The following OTUD7A variants were observed in gnomAD, a reference collection of about 807,000 sequenced individuals.
OTUD7A encodes OTU domain-containing protein 7A.
A neutral mutation model predicts 65.7 loss-of-function variants in OTUD7A; 12 were observed. That is an observed-to-expected ratio of 0.18 (90% CI 0.12 to 0.30). The LOEUF (loss-of-function observed/expected upper bound fraction) is 0.30, where lower values mean the gene tolerates loss of function less well. Among genes scored for constraint, OTUD7A ranks in the 10% least tolerant of loss-of-function variants. The pLI, the probability that OTUD7A is intolerant of heterozygous loss-of-function variation, is 1.00. For synonymous variants in OTUD7A, 641 were observed against 586.3 expected (o/e 1.09, Z -1.35); for missense variants, 1,148 against 1,304.8 (o/e 0.88, Z 1.85).
chr15:31,639,498 C>T (rs1412720224), intron 3 of OTUD7A, among the ~76,000 whole-genome samples: 2 of 148,676 alleles, frequency 1.3e-5, no homozygotes, highest in African/African-American at 5.1e-5. Flanking sequence ...TTGCTATGGG[C>T]AAAGGCTTTC....
At chr15:31,835,482 C>G (rs556766422) in intron 1 of OTUD7A, among the ~76,000 whole-genome samples, 1 of 152,226 alleles carries the variant, frequency 6.6e-6, no homozygotes, top group South Asian at 2.1e-4. Context: ...GCAGCAAATC[C>G]CCACTGATTT....
intron 1 of OTUD7A, among the ~76,000 whole-genome samples, chr15:31,820,663 T>C (rs1469376505): frequency 1.3e-5 from 2 of 152,202 alleles, no homozygotes; most frequent in African/African-American, 4.8e-5. Flanking sequence ...TTATAACAGG[T>C]CCCAACACTG....
intron 1 of OTUD7A, among the ~76,000 whole-genome samples, chr15:31,661,460 T>C (rs1377507221): frequency 7.2e-5 from 11 of 152,232 alleles, no homozygotes; most frequent in Admixed American, 7.2e-4. Flanking sequence ...TGATGGTATA[T>C]ATTTTAAAAA....
chr15:31,513,914 T>A (rs2041800869), intron 8 of OTUD7A, among the ~76,000 whole-genome samples: 3 of 152,234 alleles, frequency 2.0e-5, no homozygotes, highest in Non-Finnish European at 4.4e-5. Context: ...TTCCATTTTA[T>A]TCAGTGGGTT....
At chr15:31,525,691 C>G (rs2141116696) in intron 8 of OTUD7A, among the ~76,000 whole-genome samples, 1 of 152,376 alleles carries the variant, frequency 6.6e-6, no homozygotes, top group East Asian at 1.9e-4. Context: ...AGAATATGAA[C>G]TGAAGAATAA....
At chr15:31,720,087 A>C (rs1465199062) in intron 1 of OTUD7A, among the ~76,000 whole-genome samples, 2 of 152,132 alleles carry the variant, frequency 1.3e-5, no homozygotes, top group African/African-American at 2.4e-5. Flanking sequence ...GTAAAGGCTT[A>C]ATAAAAATGT....
At chr15:31,684,781 G>T (rs1182849694) in intron 1 of OTUD7A, among the ~76,000 whole-genome samples, 2 of 148,674 alleles carry the variant, frequency 1.3e-5, no homozygotes, top group African/African-American at 4.9e-5. Flanking sequence ...TGTCACTTCT[G>T]CTGTATTTTG....
chr15:31,532,498 A>G (rs906133259), intron 5 of OTUD7A, among the ~76,000 whole-genome samples: 17 of 151,434 alleles, frequency 1.1e-4, no homozygotes, highest in Non-Finnish European at 2.5e-4. Context: ...TAACATAGAA[A>G]TCACCCAATT....
chr15:31,614,974 A>G lies in OTUD7A; in HGVS notation c.151+40122T>C, dbSNP rs775553212. ...GTCAAGGATGTATATCGTAACCTCT[A>G]TCGTAACTACCAAAAGAATAGTAAA... On this transcript the variant is annotated intron_variant, in intron 3 of 12. Coordinates refer to ENST00000307050, the MANE Select transcript of OTUD7A (RefSeq NM_001382637.1). Among the ~76,000 whole-genome samples the G allele has an allele frequency of 1.4e-4, 22 of 152,330 alleles. 1 individual carries two copies. The highest frequency in any genetic ancestry group is 2.5e-4 in the Non-Finnish European group (17 of 68,014).
chr15:31,509,910 T>C (rs1213767301), intron 8 of OTUD7A, among the ~76,000 whole-genome samples: 1 of 147,496 alleles, frequency 6.8e-6, no homozygotes, highest in Non-Finnish European at 1.5e-5. Context: ...TTTTTTACTT[T>C]TTTCTATTTT....
At chr15:31,669,584 A>G (rs1321444278) in intron 1 of OTUD7A, among the ~76,000 whole-genome samples, 1 of 152,202 alleles carries the variant, frequency 6.6e-6, no homozygotes, top group East Asian at 1.9e-4. Context: ...TCCCAGCTAG[A>G]AAGAAAAGGG....
intron 3 of OTUD7A, among the ~76,000 whole-genome samples, chr15:31,654,606 A>G (rs1447931542): frequency 2.6e-5 from 4 of 152,202 alleles, no homozygotes; most frequent in South Asian, 4.1e-4. Flanking sequence ...AGGTAAATCC[A>G]TTTTAGAGAC....
intron 1 of OTUD7A, among the ~76,000 whole-genome samples, chr15:31,803,765 A>C (rs1896195714): frequency 6.6e-6 from 1 of 152,218 alleles, no homozygotes; most frequent in Non-Finnish European, 1.5e-5. Context: ...GCAACGCTTT[A>C]ATGCAGTGAC....
At chr15:31,585,128 G>C (rs994678345) in intron 3 of OTUD7A, among the ~76,000 whole-genome samples, 1 of 152,222 alleles carries the variant, frequency 6.6e-6, no homozygotes, top group African/African-American at 2.4e-5. Flanking sequence ...TGTTACTGCT[G>C]TTGCTTGCTG....
intron 1 of OTUD7A, among the ~76,000 whole-genome samples, chr15:31,770,647 T>C (rs1251715946): frequency 1.3e-5 from 2 of 152,152 alleles, no homozygotes; most frequent in Non-Finnish European, 2.9e-5. Flanking sequence ...AACACAGACA[T>C]AAATGGTCTT....
At chr15:31,541,842 T>C (rs1887996459) in intron 5 of OTUD7A, among the ~76,000 whole-genome samples, 1 of 152,160 alleles carries the variant, frequency 6.6e-6, no homozygotes, top group African/African-American at 2.4e-5. Context: ...AACTATATCC[T>C]GAATGCAAAG....
At chr15:31,750,547 A>G (rs1894606005) in intron 1 of OTUD7A, among the ~76,000 whole-genome samples, 1 of 152,184 alleles carries the variant, frequency 6.6e-6, no homozygotes, top group Admixed American at 6.5e-5. Flanking sequence ...CTGAATAGCC[A>G]AAGAAATCCT....
chr15:31,477,534 T>C lies in OTUD7A; in HGVS notation c.*5760A>G, dbSNP rs1349336655. 2 of 152,240 alleles carry C rather than the reference T, an allele frequency of 1.3e-5. No homozygotes were observed. The highest frequency in any genetic ancestry group is 4.8e-5 in the African/African-American group (2 of 41,440). The allele number at this position is 152,240 out of a possible 1,614,324, so 9.4% of individuals were successfully genotyped here. On this transcript the variant is annotated 3_prime_UTR_variant, in exon 13 of 13. Coordinates refer to ENST00000307050, the MANE Select transcript of OTUD7A (RefSeq NM_001382637.1). ...AGCCACCGCTGCTGCCCGGTGTATC[T>C]AACCATCTTGTACCCATAGGAGCCA... is the stretch of plus-strand genomic sequence containing the variant.
chr15:31,493,051 C>T (rs2041338891), intron 10 of OTUD7A, among the ~76,000 whole-genome samples: 1 of 150,996 alleles, frequency 6.6e-6, no homozygotes, highest in Non-Finnish European at 1.5e-5. Flanking sequence ...ACTAAAAATA[C>T]AAAAATTAGC....
Sources: gnomAD v4.1 joint callset for allele counts (sites outside exome capture counted in the v4.1 genomes callset) on GRCh38, gnomAD v4.1.1 for gene constraint, MANE v1.5 for transcripts, NCBI Gene and HGNC (gene_info 2026-07-23, HGNC 2026-07-21) for gene names.